Variants in KDM2B observed in about 807,000 individuals in gnomAD.
The protein encoded by KDM2B is lysine-specific demethylase 2B.
In KDM2B, 26 loss-of-function variants were observed where a neutral mutation model predicts 150.0. The observed-to-expected ratio is 0.17, with a 90% CI of 0.13 to 0.24. The LOEUF (loss-of-function observed/expected upper bound fraction) is 0.24, where lower values mean the gene tolerates loss of function less well. Among genes scored for constraint, KDM2B ranks in the 10% least tolerant of loss-of-function variants. KDM2B has a pLI of 1.00. For synonymous variants in KDM2B, 734 were observed against 729.5 expected (o/e 1.01, Z -0.10); for missense variants, 1,265 against 1,816.9 (o/e 0.70, Z 5.52).
intron 12 of KDM2B, among the ~76,000 whole-genome samples, chr12:121,483,086 C>T (rs1882334413): frequency 6.6e-6 from 1 of 151,924 alleles, no homozygotes; most frequent in South Asian, 2.1e-4. Context: ...TCGCTTGAAC[C>T]CAGGAGGCAG....
intron 10 of KDM2B, among the ~76,000 whole-genome samples, chr12:121,512,520 T>C (rs1885679223): frequency 6.6e-6 from 1 of 151,456 alleles, no homozygotes; most frequent in Admixed American, 6.6e-5. Flanking sequence ...TATCCCCTGG[T>C]TAAAAAAAAA....
chr12:121,574,544 T>A lies in KDM2B; in HGVS notation c.397+3A>T. The A allele has an allele frequency of 6.2e-7, 1 of 1,613,846 alleles. No homozygotes were observed. Among genetic ancestry groups the A allele is most frequent in the Non-Finnish European group, 8.5e-7 (1 of 1,179,818 alleles). On this transcript the variant is annotated splice_donor_region_variant and intron_variant, in intron 4 of 22. Transcript: ENST00000377071. ...TGAGCCACACACACGGCAAGCGACT[T>A]ACCCACTAGGAGTTTGACGTCTCGG...
At chr12:121,416,051 C>CA in the KDM2B span, 1 of 838,422 alleles carries the variant, frequency 1.2e-6, no homozygotes, top group African/African-American at 1.7e-5. Flanking sequence ...ATAGTAATCT[C>CA]AAAGTTATTG....
intron 6 of KDM2B, among the ~76,000 whole-genome samples, chr12:121,546,565 T>TG (rs1250654527): frequency 6.6e-6 from 1 of 151,018 alleles, no homozygotes; most frequent in African/African-American, 2.4e-5. Context: ...TTTTGGTTTT[T>TG]TTTTTTTGTT....
At chr12:121,534,306 A>ATG (rs1887917212) in intron 7 of KDM2B, among the ~76,000 whole-genome samples, 191 bp downstream of exon 7, 1 of 150,050 alleles carries the variant, frequency 6.7e-6, no homozygotes, top group Non-Finnish European at 1.5e-5. Context: ...CCGAGATTGC[A>ATG]CCACTGCACT....
intron 17 of KDM2B, chr12:121,443,347 G>A (rs2138158761): frequency 1.7e-6 from 1 of 577,152 alleles, no homozygotes; most frequent in Non-Finnish European, 3.1e-6. Flanking sequence ...ACAGCCCTGT[G>A]GGAATCCCCG....
chr12:121,416,038 A>AAT, the KDM2B span: 1 of 720,944 alleles, frequency 1.4e-6, no homozygotes, highest in South Asian at 1.8e-5. Context: ...TGCCCAGAGG[A>AAT]ATATAGTAAT....
chr12:121,581,106 C>T (rs1555317981), upstream of KDM2B: 3 of 644,050 alleles, frequency 4.7e-6, no homozygotes, highest in African/African-American at 1.9e-5. Context: ...CTGCCCGCCT[C>T]TGTGGACTCC....
intron 12 of KDM2B, among the ~76,000 whole-genome samples, chr12:121,466,726 G>A (rs1320606339): frequency 2.0e-5 from 3 of 149,894 alleles, no homozygotes; most frequent in South Asian, 2.1e-4. Flanking sequence ...CGAACGCAGA[G>A]GCAGGAGGTG....
chr12:121,423,521 A>T, the KDM2B span: 4 of 1,614,036 alleles, frequency 2.5e-6, no homozygotes. This position sits in a 1 kb window ranked among gnomAD's most constrained non-coding sequence, Gnocchi z 4.3. Flanking sequence ...CGCATGAGTG[A>T]GTGTCCCATC....
intron 6 of KDM2B, 92 bp downstream of exon 6, chr12:121,548,785 A>T: frequency 1.1e-6 from 1 of 923,864 alleles, no homozygotes; most frequent in Non-Finnish European, 1.8e-6. Flanking sequence ...TCAAGCCTTC[A>T]CTGATGGCCA....
At chr12:121,574,647 G>T in intron 3 of KDM2B, 54 bp from the exon 4 acceptor site, 2 of 1,554,782 alleles carry the variant, frequency 1.3e-6, no homozygotes, top group Non-Finnish European at 1.8e-6. Flanking sequence ...AACAGAGCTA[G>T]ACTACCCTGG....
At chr12:121,552,623 AG>A (rs1566409825) in intron 4 of KDM2B, among the ~76,000 whole-genome samples, 1 of 146,368 alleles carries the variant, frequency 6.8e-6, no homozygotes, top group Non-Finnish European at 1.5e-5. Context: ...CAGTGAGCTG[AG>A]GTCGTGCCAT....
At chr12:121,536,665 T>TC (rs1162786822) in intron 6 of KDM2B, among the ~76,000 whole-genome samples, 1 of 152,012 alleles carries the variant, frequency 6.6e-6, no homozygotes, top group East Asian at 1.9e-4. Context: ...TCTTGGTTTT[T>TC]TTTTTTTTTT....
downstream of KDM2B, among the ~76,000 whole-genome samples, chr12:121,426,010 A>G (rs1177818018): frequency 6.6e-6 from 1 of 151,524 alleles, no homozygotes; most frequent in Non-Finnish European, 1.5e-5. Flanking sequence ...CTCATGATCC[A>G]CCCGCCTCTT....
intron 4 of KDM2B, among the ~76,000 whole-genome samples, chr12:121,564,445 G>A (rs782577266): frequency 2.0e-5 from 3 of 151,966 alleles, no homozygotes; most frequent in Non-Finnish European, 4.4e-5. Context: ...GCAACAGAGC[G>A]AGAATCCGTC....
At chr12:121,560,116 G>C (rs28587980) in intron 4 of KDM2B, among the ~76,000 whole-genome samples, 1,962 of 152,074 alleles carry the variant, frequency 0.013, 63 homozygotes, top group East Asian at 0.11. Flanking sequence ...GCGATCCTCC[G>C]ACCTCAGCCT....
the KDM2B span, among the ~76,000 whole-genome samples, chr12:121,413,274 T>G: frequency 1.3e-5 from 2 of 148,642 alleles, no homozygotes; most frequent in Non-Finnish European, 3.0e-5. Flanking sequence ...AGATCCACCT[T>G]CCTTGGCCTC....
Position 121,453,362 on chromosome 12 carries a change from C to G in KDM2B, c.1735-18G>C. On this transcript the variant is annotated intron_variant, in intron 12 of 22. Coordinates refer to ENST00000377071, the MANE Select transcript of KDM2B (RefSeq NM_032590.5). The surrounding 1 kb of genome is among the most constrained non-coding windows in gnomAD (Gnocchi z 6.4). ...GCCCGGTTCTGCAGGGGAACAGACA[C>G]GACTGGTCAGATGGGGAGACTGCAG... 1 of 1,543,206 alleles carries G rather than the reference C, an allele frequency of 6.5e-7. No homozygotes were observed. Among genetic ancestry groups the G allele is most frequent in the Non-Finnish European group, 8.8e-7 (1 of 1,141,758 alleles).
Sources: allele counts gnomAD v4.1 joint callset (sites outside exome capture counted in the v4.1 genomes callset), GRCh38; gene constraint gnomAD v4.1.1; non-coding constraint Gnocchi (gnomAD v3.1); transcripts MANE v1.5; gene names NCBI Gene and HGNC (gene_info 2026-07-23, HGNC 2026-07-21).